Variants in MAP3K5 observed in about 807,000 individuals in gnomAD.
The protein encoded by MAP3K5 is ASK-1.
A neutral mutation model predicts 158.7 loss-of-function variants in MAP3K5; 56 were observed. The ratio of observed to expected loss-of-function variants is 0.35; its 90% CI spans 0.28 to 0.44. The LOEUF is 0.44. Among genes scored for constraint, MAP3K5 ranks in the 20% least tolerant of loss-of-function variants. MAP3K5 has a pLI of 1.00. For synonymous variants in MAP3K5, 579 were observed against 601.7 expected (o/e 0.96, Z 0.55); for missense variants, 1,294 against 1,674.8 (o/e 0.77, Z 3.97).
chr6:136,713,190 C>T (rs1367573810), intron 2 of MAP3K5, among the ~76,000 whole-genome samples: 1 of 152,156 alleles, frequency 6.6e-6, no homozygotes, highest in Non-Finnish European at 1.5e-5. Context: ...CCTCTGTGTG[C>T]AGAAGTAGTC....
At chr6:136,773,651 C>T (rs1034298017) in intron 1 of MAP3K5, among the ~76,000 whole-genome samples, 1 of 151,776 alleles carries the variant, frequency 6.6e-6, no homozygotes, top group Admixed American at 6.6e-5. Context: ...TTGGTTGGTT[C>T]GTTGGTTGTT....
At chr6:136,558,431 C>T (rs953877248) in intron 29 of MAP3K5, among the ~76,000 whole-genome samples, 1 of 151,584 alleles carries the variant, frequency 6.6e-6, no homozygotes, top group Admixed American at 6.6e-5. Flanking sequence ...GAAATTATAT[C>T]AGATTATACC....
At chr6:136,716,066 A>AAAAAAAAC (rs1781513755) in intron 2 of MAP3K5, among the ~76,000 whole-genome samples, 1 of 138,966 alleles carries the variant, frequency 7.2e-6, no homozygotes, top group Non-Finnish European at 1.5e-5. Context: ...AAAAAAAAAA[A>AAAAAAAAC]TTACAGCTGA....
intron 18 of MAP3K5, among the ~76,000 whole-genome samples, 197 bp downstream of exon 18, chr6:136,611,085 G>T (rs956693925): frequency 1.6e-5 from 2 of 127,032 alleles, no homozygotes; most frequent in Non-Finnish European, 3.2e-5. Flanking sequence ...TCCAGCCTAG[G>T]TGACAGGGCA....
chr6:136,768,095 T>C (rs908263793), intron 1 of MAP3K5, among the ~76,000 whole-genome samples: 1 of 152,126 alleles, frequency 6.6e-6, no homozygotes, highest in African/African-American at 2.4e-5. Flanking sequence ...AGCAAAAATA[T>C]CTAACTCTTA....
chr6:136,628,131 A>T (rs556597215), intron 14 of MAP3K5, among the ~76,000 whole-genome samples: 84 of 148,952 alleles, frequency 5.6e-4, no homozygotes, highest in African/African-American at 2.0e-3. Context: ...TTTTTTTTTT[A>T]AAGAGTGTTT....
At chr6:136,693,856 C>T (rs1260956017) in intron 7 of MAP3K5, among the ~76,000 whole-genome samples, 2 of 151,954 alleles carry the variant, frequency 1.3e-5, no homozygotes, top group Admixed American at 6.6e-5. Flanking sequence ...GGCGTGGTGG[C>T]GGGCACCTGT....
chr6:136,769,832 AAGGGAGGG>A (rs1164023376), intron 1 of MAP3K5, among the ~76,000 whole-genome samples: 1 of 20,152 alleles, frequency 5.0e-5, no homozygotes, highest in Admixed American at 8.1e-4. Flanking sequence ...GGAGGGAGGG[AAGGGAGGG>A]AGGGAGGGAG....
At chr6:136,729,687 C>T (rs144514533) in intron 1 of MAP3K5, among the ~76,000 whole-genome samples, 1,805 of 152,276 alleles carry the variant, frequency 0.012, 30 homozygotes, top group African/African-American at 0.041. Context: ...CCATCCATGT[C>T]CATGAGGTTT....
intron 21 of MAP3K5, among the ~76,000 whole-genome samples, chr6:136,595,697 T>C (rs1445550174): frequency 6.6e-6 from 1 of 152,168 alleles, no homozygotes; most frequent in Non-Finnish European, 1.5e-5. Flanking sequence ...GGGTGTTATT[T>C]GACAGTTCAG....
At chr6:136,752,063 G>C (rs1051375521) in intron 1 of MAP3K5, among the ~76,000 whole-genome samples, 1 of 151,924 alleles carries the variant, frequency 6.6e-6, no homozygotes, top group African/African-American at 2.4e-5. Flanking sequence ...TTTTACATTG[G>C]TTCTCTGCCT....
chr6:136,727,108 T>C (rs192443181), intron 1 of MAP3K5, among the ~76,000 whole-genome samples: 158 of 152,290 alleles, frequency 1.0e-3, no homozygotes, highest in African/African-American at 3.0e-3. Flanking sequence ...TTCTCAAAAG[T>C]AGTAAAATAA....
intron 4 of MAP3K5, among the ~76,000 whole-genome samples, chr6:136,698,281 T>C (rs1780692877): frequency 1.3e-5 from 2 of 152,334 alleles, no homozygotes; most frequent in East Asian, 1.9e-4. Flanking sequence ...AGTAGACTTT[T>C]TAATTTTTTG....
chr6:136,771,716 T>C (rs1230435304), intron 1 of MAP3K5, among the ~76,000 whole-genome samples: 2 of 152,188 alleles, frequency 1.3e-5, no homozygotes, highest in Non-Finnish European at 2.9e-5. Context: ...ACCTCTGGCT[T>C]GCCCTTGAAT....
chr6:136,626,948 T>G (rs984089064), intron 14 of MAP3K5, among the ~76,000 whole-genome samples: 2 of 152,220 alleles, frequency 1.3e-5, no homozygotes, highest in Non-Finnish European at 2.9e-5. Flanking sequence ...TTTGTATCCT[T>G]TCCACTACCT....
chr6:136,642,607 A>G lies in MAP3K5; in HGVS notation c.1789-38T>C, dbSNP rs766458387. 1.9e-5 allele frequency: 25 copies of G among 1,336,286 alleles called. No individual in the cohort carries two copies. The East Asian group carries it at 5.7e-4, about 31-fold the overall frequency. 82.8% of individuals were successfully genotyped at this position (1,336,286 alleles called of 1,614,324 possible). ...CAAGAAAATATACTGAGTCATCCAA[A>G]TGGAAAATAACATAACAACAATAAT... On this transcript the variant is annotated intron_variant, in intron 11 of 29. Coordinates refer to ENST00000359015, the MANE Select transcript of MAP3K5 (RefSeq NM_005923.4).
At chr6:136,584,754 C>T (rs956214886) in intron 23 of MAP3K5, among the ~76,000 whole-genome samples, 1 of 152,112 alleles carries the variant, frequency 6.6e-6, no homozygotes, top group African/African-American at 2.4e-5. Flanking sequence ...AGCAACCAAG[C>T]CAGAGAAAAG....
At chr6:136,569,534 C>A (rs1775069405) in intron 25 of MAP3K5, among the ~76,000 whole-genome samples, 1 of 152,192 alleles carries the variant, frequency 6.6e-6, no homozygotes, top group Admixed American at 6.5e-5. Flanking sequence ...TTGAATCTAC[C>A]TATGACCTGG....
intron 11 of MAP3K5, among the ~76,000 whole-genome samples, chr6:136,649,062 C>T (rs915262818): frequency 3.3e-5 from 5 of 152,170 alleles, no homozygotes; most frequent in African/African-American, 1.2e-4. Flanking sequence ...CTCTGCCTCC[C>T]GGGTTCCAGC....
Sources: allele counts gnomAD v4.1 joint callset (sites outside exome capture counted in the v4.1 genomes callset), GRCh38; gene constraint gnomAD v4.1.1; transcripts MANE v1.5; gene names NCBI Gene and HGNC (gene_info 2026-07-23, HGNC 2026-07-21).